The following PRTG variants were observed in gnomAD, a reference collection of about 807,000 sequenced individuals.
PRTG encodes protogenin.
A neutral mutation model predicts 122.5 loss-of-function variants in PRTG; 67 were observed. The ratio of observed to expected loss-of-function variants is 0.55; its 90% CI spans 0.45 to 0.67. PRTG has a LOEUF of 0.67. Among genes scored for constraint, PRTG ranks in the 30% least tolerant of loss-of-function variants. PRTG has a pLI of 0.00. For missense variants in PRTG, 1,435 were observed against 1,415.4 expected, an observed-to-expected ratio of 1.01 and a Z score of -0.22; for synonymous variants, 554 against 501.1, an observed-to-expected ratio of 1.11 and a Z score of -1.41.
intron 2 of PRTG, among the ~76,000 whole-genome samples, chr15:55,716,738 G>A (rs1241065328): frequency 1.3e-5 from 2 of 152,142 alleles, no homozygotes; most frequent in South Asian, 2.1e-4. Context: ...CCACTCAGCA[G>A]TTATCTTAAC....
chr15:55,695,848 G>A (rs1334862532), intron 2 of PRTG, among the ~76,000 whole-genome samples: 2 of 152,152 alleles, frequency 1.3e-5, no homozygotes, highest in East Asian at 3.9e-4. Flanking sequence ...GTTCATACCT[G>A]TAGTCTCAGC....
rs372992787 is a variant in PRTG at position 55,649,707 on chromosome 15, G to A, written c.2042-8499C>T. On this transcript the variant is annotated intron_variant, in intron 11 of 19. Transcript: ENST00000389286. Reference sequence around the variant, plus strand: ...CTCGGGTGGCTGAGGCACAAGAATCGCTTCAAACTGGGAGGTGGAAGTTGA... The same window carrying A: ...CTCGGGTGGCTGAGGCACAAGAATCACTTCAAACTGGGAGGTGGAAGTTGA... 1.1e-3 allele frequency among the ~76,000 whole-genome samples: 160 copies of A among 152,172 alleles called. 8 individuals are homozygous for A. The South Asian group carries it at 0.03, about 29-fold the overall frequency.
chr15:55,677,080 C>T (rs2059506773), intron 8 of PRTG, among the ~76,000 whole-genome samples: 1 of 152,050 alleles, frequency 6.6e-6, no homozygotes, highest in Admixed American at 6.6e-5. Context: ...ACCATGGTTT[C>T]TATGAAAAAG....
At chr15:55,696,232 C>T (rs1164710071) in intron 2 of PRTG, among the ~76,000 whole-genome samples, 1 of 152,096 alleles carries the variant, frequency 6.6e-6, no homozygotes, top group Non-Finnish European at 1.5e-5. Context: ...CCACTGCACT[C>T]CAGCCTGGAT....
chr15:55,681,632 T>C (rs1018195215), intron 4 of PRTG, among the ~76,000 whole-genome samples: 1 of 152,186 alleles, frequency 6.6e-6, no homozygotes, highest in Non-Finnish European at 1.5e-5. Context: ...AATTGTTTAA[T>C]ATAGAAGCTT....
intron 17 of PRTG, among the ~76,000 whole-genome samples, chr15:55,625,626 C>CTT (rs562628240): frequency 1.7e-4 from 24 of 140,318 alleles, no homozygotes; most frequent in African/African-American, 4.0e-4. Flanking sequence ...CTAATTTTAA[C>CTT]TTTTTTTTTT....
chr15:55,714,460 GC>G (rs1489716229), intron 2 of PRTG, among the ~76,000 whole-genome samples: 58 of 151,558 alleles, frequency 3.8e-4, no homozygotes, highest in African/African-American at 1.4e-3. Flanking sequence ...TAAACTCCTG[GC>G]CTCAAGGGAT....
Position 55,706,014 on chromosome 15 carries a change from A to ATTTTTTTTTTTTTTTT in PRTG, c.398-22099_398-22084dup, listed in dbSNP as rs56275705. Among the ~76,000 whole-genome samples the ATTTTTTTTTTTTTTTT allele has an allele frequency of 4.8e-3, 449 of 94,310 alleles. 2 individuals carry two copies. The highest frequency in any genetic ancestry group is 7.9e-3 in the Middle Eastern group (1 of 126). 61.9% of individuals were successfully genotyped at this position (94,310 alleles called of 152,430 possible). On this transcript the variant is annotated intron_variant, in intron 2 of 19. Coordinates refer to ENST00000389286, the MANE Select transcript of PRTG (RefSeq NM_173814.6). The stretch of plus-strand genomic sequence containing the variant: ...ATGCGCATGCCACCATGCCCAGCTA[A>ATTTTTTTTTTTTTTTT]TTTTTTTTTTTTTTTTTTTGTATTT...
chr15:55,686,908 A>C (rs1447059877), intron 2 of PRTG, among the ~76,000 whole-genome samples: 1 of 152,162 alleles, frequency 6.6e-6, no homozygotes, highest in East Asian at 1.9e-4. Flanking sequence ...TCCTTTGGGA[A>C]GTGGTTTCCG....
chr15:55,730,821 T>C lies in PRTG; in HGVS notation c.397+9561A>G, dbSNP rs972201594. Among the ~76,000 whole-genome samples, 19 of 152,128 alleles carry C rather than the reference T, an allele frequency of 1.2e-4. 1 individual carries two copies. The highest frequency in any genetic ancestry group is 6.6e-5 in the Admixed American group (1 of 15,260). On this transcript the variant is annotated intron_variant, in intron 2 of 19. Coordinates refer to ENST00000389286, the MANE Select transcript of PRTG (RefSeq NM_173814.6). ...TGTCTCAAAATAAAAGTCACGACTA[T>C]AATAACAAAACCTGAGCTCTGGTGC... is the stretch of plus-strand genomic sequence containing the variant.
chr15:55,644,612 A>G (rs2059310250), intron 11 of PRTG, among the ~76,000 whole-genome samples: 1 of 152,144 alleles, frequency 6.6e-6, no homozygotes, highest in Non-Finnish European at 1.5e-5. Context: ...GCACTTGGCT[A>G]CTGCCCACTC....
intron 15 of PRTG, among the ~76,000 whole-genome samples, chr15:55,635,856 T>C (rs1212725546): frequency 2.0e-5 from 3 of 152,178 alleles, no homozygotes; most frequent in Non-Finnish European, 4.4e-5. Flanking sequence ...GTATAGAATA[T>C]AGTGTATAGG....
At chr15:55,656,557 G>C (rs2059381341) in intron 11 of PRTG, among the ~76,000 whole-genome samples, 1 of 152,134 alleles carries the variant, frequency 6.6e-6, no homozygotes, top group South Asian at 2.1e-4. Flanking sequence ...GCCCAGGCTG[G>C]AGTGCAGTGG....
At chr15:55,730,694 G>A (rs1373987940) in intron 2 of PRTG, among the ~76,000 whole-genome samples, 5 of 152,036 alleles carry the variant, frequency 3.3e-5, no homozygotes, top group African/African-American at 1.2e-4. Flanking sequence ...CAGCTACTTG[G>A]GAGGCTGAGG....
intron 2 of PRTG, among the ~76,000 whole-genome samples, chr15:55,719,970 G>T (rs1379069862): frequency 6.6e-6 from 1 of 152,114 alleles, no homozygotes; most frequent in Admixed American, 6.5e-5. Context: ...TGAGGCAAGA[G>T]AACTGCTTGA....
At chr15:55,699,489 A>T (rs2059650215) in intron 2 of PRTG, among the ~76,000 whole-genome samples, 1 of 152,248 alleles carries the variant, frequency 6.6e-6, no homozygotes, top group Admixed American at 6.5e-5. Flanking sequence ...ACAATTGGCT[A>T]TGATGGCAAT....
chr15:55,657,096 A>G (rs569982950), intron 11 of PRTG, among the ~76,000 whole-genome samples: 49 of 152,368 alleles, frequency 3.2e-4, no homozygotes, highest in Non-Finnish European at 5.4e-4. Context: ...ATGAGGCCAT[A>G]TAAGTACACA....
At chr15:55,709,670 G>T (rs1242247050) in intron 2 of PRTG, among the ~76,000 whole-genome samples, 2 of 151,974 alleles carry the variant, frequency 1.3e-5, no homozygotes, top group African/African-American at 4.8e-5. Flanking sequence ...AACAATCAGT[G>T]GTATATCCAT....
At chr15:55,699,052 C>T (rs1567105458) in intron 2 of PRTG, among the ~76,000 whole-genome samples, 1 of 152,190 alleles carries the variant, frequency 6.6e-6, no homozygotes, top group Middle Eastern at 3.2e-3. Context: ...CCCAGAATCA[C>T]AGTTCAGTGT....
Sources: gnomAD v4.1 joint callset for allele counts (sites outside exome capture counted in the v4.1 genomes callset) on GRCh38, gnomAD v4.1.1 for gene constraint, MANE v1.5 for transcripts, NCBI Gene and HGNC (gene_info 2026-07-23, HGNC 2026-07-21) for gene names.